Variants in ZNF814 observed in about 807,000 individuals in gnomAD.
ZNF814 encodes zinc finger protein 814.
A neutral mutation model predicts 7.5 loss-of-function variants in ZNF814; 5 were observed. The observed-to-expected ratio is 0.67, with a 90% confidence interval of 0.35 to 1.40. The LOEUF is 1.40. Among genes scored for constraint, ZNF814 ranks in the 40% most tolerant of loss-of-function variants. ZNF814 has a pLI of 0.04. For missense variants in ZNF814, 962 were observed against 1,018.0 expected (o/e 0.94, Z 0.75); for synonymous variants, 315 against 340.7 (o/e 0.92, Z 0.83).
chr19:57,904,804 A>C, the ZNF814 span, among the ~76,000 whole-genome samples: 1 of 152,146 alleles, frequency 6.6e-6, no homozygotes, highest in African/African-American at 2.4e-5. Flanking sequence ...TAATCCCAGC[A>C]CTTTGGGAGG....
the ZNF814 span, among the ~76,000 whole-genome samples, chr19:57,898,588 A>G: frequency 6.6e-6 from 1 of 152,236 alleles, no homozygotes. Flanking sequence ...TAGTACAGGA[A>G]CAATTGCAAA....
rs760527232 is a variant in ZNF814 at position 57,874,042 on chromosome 19, G to T, written c.1348C>A (p.His450Asn). The part of the protein sequence containing the change: ...ECGKSFSSEG[H>N]LRSHQRVHAG... ...TGAACTCGTTGATGGCTCCTAAGAT[G>T]TCCTTCTGAACTAAAAGATTTCCCA... Residue 450 changes from histidine (H) to asparagine (N), a missense_variant, in exon 3 of 3, where the codon CAT becomes AAT. His to Asn is a moderately conservative substitution (Grantham distance 68). Coordinates refer to ENST00000435989, the MANE Select transcript of ZNF814 (RefSeq NM_001144989.2). 1.9e-6 allele frequency: 3 copies of T among 1,611,538 alleles called. No individual in the cohort carries two copies. In the South Asian group the frequency reaches 3.3e-5, roughly 18 times the overall value.
At chr19:57,885,237 G>T (rs762537944) in intron 1 of ZNF814, among the ~76,000 whole-genome samples, 6 of 151,530 alleles carry the variant, frequency 4.0e-5, no homozygotes, top group Non-Finnish European at 7.4e-5. Context: ...CATGAGAATC[G>T]CTTGAACCCA....
intron 1 of ZNF814, among the ~76,000 whole-genome samples, chr19:57,884,679 A>G (rs768133303): frequency 6.6e-6 from 1 of 152,200 alleles, no homozygotes; most frequent in Admixed American, 6.5e-5. Flanking sequence ...AAGGTGCTCA[A>G]CATCACTGGT....
chr19:57,874,141 A>G lies in ZNF814; in HGVS notation c.1249T>C (p.Phe417Leu). 2 of 1,596,132 alleles carry G rather than the reference A, an allele frequency of 1.3e-6. No individual in the cohort carries two copies. The highest frequency in any genetic ancestry group is 2.2e-5 in the South Asian group (2 of 89,254). ...HYECGECGKS[F>L]SQKSSLIQHQ... is the part of the protein sequence containing the mutation. Reference sequence around the variant, plus strand: ...TGAATGAGGCTGCTCTTTTGACTAAAGGATTTCCCACATTCTCCACATTCA... The same window carrying G: ...TGAATGAGGCTGCTCTTTTGACTAAGGGATTTCCCACATTCTCCACATTCA... Residue 417 changes from phenylalanine to leucine, a missense_variant, in exon 3 of 3, where the codon TTT (phenylalanine) becomes CTT (leucine). Around this residue, in one of 7 missense-constraint regions of ZNF814, gnomAD observed 665 missense variants for 551.4 expected, o/e 1.21. Transcript: ENST00000435989.
upstream of ZNF814, among the ~76,000 whole-genome samples, chr19:57,892,748 G>T (rs372754751): frequency 8.5e-5 from 13 of 152,132 alleles, no homozygotes; most frequent in Non-Finnish European, 1.9e-4. Context: ...AATGGGAGTG[G>T]GGGGGGCTTC....
intron 2 of ZNF814, 97 bp downstream of exon 2, chr19:57,876,819 G>A (rs192663353): frequency 1.5e-5 from 23 of 1,561,974 alleles, no homozygotes; most frequent in Admixed American, 5.6e-5. Context: ...GCAGGAAGCT[G>A]TGTCCATGCT....
the ZNF814 span, among the ~76,000 whole-genome samples, chr19:57,897,681 C>T: frequency 2.0e-5 from 3 of 152,204 alleles, no homozygotes; most frequent in East Asian, 5.8e-4. Flanking sequence ...AATTCCCACT[C>T]CCTACTTCCT....
chr19:57,882,829 C>G (rs1445140764), intron 1 of ZNF814, among the ~76,000 whole-genome samples: 1 of 151,328 alleles, frequency 6.6e-6, no homozygotes, highest in East Asian at 1.9e-4. Context: ...CAATAAACAC[C>G]TAACTGTTTA....
chr19:57,875,056 C>G lies in ZNF814; in HGVS notation c.334G>C (p.Gly112Arg), dbSNP rs1177856597. 1 of 1,595,362 alleles carries G rather than the reference C, an allele frequency of 6.3e-7. No homozygotes were observed. The highest frequency in any genetic ancestry group is 2.2e-5 in the East Asian group (1 of 44,732). Residue 112 changes from glycine to arginine, a missense_variant, in exon 3 of 3, where the codon GGA becomes CGA. By Grantham distance (125) the Gly-to-Arg change is moderately radical. Transcript: ENST00000435989. ...TGCAGTTTCTGCTTGTGATGTGTTC[C>G]CTGATGATCTGCCACATGCAAAATG... ...GDILHVADHQ[G>R]THHKQKLHRC...
chr19:57,891,200 C>A (rs186188418), upstream of ZNF814, among the ~76,000 whole-genome samples: 66 of 152,250 alleles, frequency 4.3e-4, no homozygotes, highest in Non-Finnish European at 8.7e-4. Context: ...AAAAAGGAGG[C>A]ATGAATAATC....
In ZNF814 at chr19:57,871,229, C is replaced by CA. The variant is rs1359050076; in HGVS notation, c.*1592dup. 1.3e-5 allele frequency: 2 copies of CA among 151,734 alleles called. No homozygotes were observed. Among genetic ancestry groups the CA allele is most frequent in the African/African-American group, 4.9e-5 (2 of 41,082 alleles). The allele number at this position is 151,734 out of a possible 1,614,324, so 9.4% of individuals were successfully genotyped here. On this transcript the variant is annotated 3_prime_UTR_variant, in exon 3 of 3. Transcript: ENST00000435989. ...CCTCGTAAAAGAATTTTGTCTTGTT[C>CA]AAAAAATGCCAGAAATTGTCACAAA... is the stretch of plus-strand genomic sequence containing the variant.
upstream of ZNF814, among the ~76,000 whole-genome samples, chr19:57,893,233 G>A (rs1241013709): frequency 6.6e-6 from 1 of 150,904 alleles, no homozygotes; most frequent in Non-Finnish European, 1.5e-5. Flanking sequence ...GAGTGCAGTG[G>A]TGTGATTTCG....
At chr19:57,877,731 G>A (rs767149108) in intron 1 of ZNF814, among the ~76,000 whole-genome samples, 5 of 152,090 alleles carry the variant, frequency 3.3e-5, no homozygotes, top group African/African-American at 1.2e-4. Flanking sequence ...ATGAGGCACC[G>A]CGCCCAGCCA....
At position 57,887,556 on chromosome 19, in the gene ZNF814, C is replaced by T. The variant is rs1162164201; in HGVS notation, c.36+1211G>A. ...TCACTAATCCTGTTTTTAGACTCTCCCTTTTGCTCTCTTAATCACCTAGCC... is the reference window on the plus strand; with the variant it reads ...TCACTAATCCTGTTTTTAGACTCTCTCTTTTGCTCTCTTAATCACCTAGCC... On this transcript the variant is annotated intron_variant, in intron 1 of 2. Transcript: ENST00000435989. Among the ~76,000 whole-genome samples, 4 of 152,156 alleles carry T rather than the reference C, an allele frequency of 2.6e-5. No individual in the cohort carries two copies. The East Asian group carries it at 7.7e-4, about 29-fold the overall frequency.
At chr19:57,903,368 ATAGT>A in the ZNF814 span, among the ~76,000 whole-genome samples, 2 of 152,208 alleles carry the variant, frequency 1.3e-5, no homozygotes, top group African/African-American at 4.8e-5. Context: ...AGATCAAAAT[ATAGT>A]TAGTCAAATT....
At chr19:57,888,322 T>C (rs2071710060) in intron 1 of ZNF814, among the ~76,000 whole-genome samples, 1 of 152,236 alleles carries the variant, frequency 6.6e-6, no homozygotes, top group South Asian at 2.1e-4. Context: ...CTCATGGCTT[T>C]TGTTGACTCA....
At chr19:57,893,941 G>A (rs2071745198), upstream of ZNF814, among the ~76,000 whole-genome samples, 1 of 151,416 alleles carries the variant, frequency 6.6e-6, no homozygotes. Flanking sequence ...AAAATTAGTC[G>A]TGCATGTTGG....
Position 57,883,695 on chromosome 19 carries a change from G to T in ZNF814, c.36+5072C>A, listed in dbSNP as rs2071667245. Among the ~76,000 whole-genome samples the T allele has an allele frequency of 2.0e-5, 3 of 149,718 alleles. No individual in the cohort carries two copies. The South Asian group carries it at 6.3e-4, about 31-fold the overall frequency. ...AAAAAAATCAAAATGGATTAAAAAA[G>T]ACTTAAATCTAAAACCTAAAACTAT... On this transcript the variant is annotated intron_variant, in intron 1 of 2. Coordinates refer to ENST00000435989, the MANE Select transcript of ZNF814 (RefSeq NM_001144989.2).
Sources: allele counts gnomAD v4.1 joint callset (sites outside exome capture counted in the v4.1 genomes callset), GRCh38; gene constraint gnomAD v4.1.1; regional missense constraint gnomAD v4.1.1; transcripts MANE v1.5; gene names NCBI Gene and HGNC (gene_info 2026-07-23, HGNC 2026-07-21).